Variants in XPR1 observed in about 807,000 individuals in gnomAD.
The protein encoded by XPR1 is solute carrier family 53 member 1.
In XPR1, 28 loss-of-function variants were observed where a neutral mutation model predicts 87.5. That is an observed-to-expected ratio of 0.32 (90% CI 0.24 to 0.44). XPR1 has a LOEUF of 0.44. Ranked by LOEUF, XPR1 falls within the 20% of genes least tolerant of loss-of-function variation. The probability of loss-of-function intolerance (pLI) is 1.00; values close to 1 mark genes in which losing one functional copy is unlikely to be tolerated. For missense variants in XPR1, 559 were observed against 862.3 expected, an observed-to-expected ratio of 0.65 and a Z score of 4.41; for synonymous variants, 300 against 306.1, an observed-to-expected ratio of 0.98 and a Z score of 0.21.
chr1:180,841,017 CAAAGT>C lies in XPR1; in HGVS notation c.1501+4305_1501+4309del, dbSNP rs967836465. 1.9e-4 allele frequency among the ~76,000 whole-genome samples: 29 copies of C among 151,880 alleles called. 1 individual carries two copies. Among genetic ancestry groups the C allele is most frequent in the African/African-American group, 5.1e-4 (21 of 41,346 alleles). On this transcript the variant is annotated intron_variant, in intron 11 of 14. Coordinates refer to ENST00000367590, the MANE Select transcript of XPR1 (RefSeq NM_004736.4). ...ATTTATAATCTAGTGGGGGAATAGA[CAAAGT>C]AAAAAGGCATTAATTGGTTCTTAAT...
chr1:180,748,400 C>CTTTTTTT (rs71297873), intron 2 of XPR1, among the ~76,000 whole-genome samples: 379 of 29,702 alleles, frequency 0.013, 71 homozygotes, highest in Non-Finnish European at 0.018. Flanking sequence ...TTATTTATGT[C>CTTTTTTT]TTTTTTTTTT....
intron 12 of XPR1, among the ~76,000 whole-genome samples, chr1:180,865,403 C>CTTT (rs756971131): frequency 2.1e-5 from 3 of 140,588 alleles, no homozygotes; most frequent in African/African-American, 5.2e-5. Context: ...ACATTTGTTT[C>CTTT]TTTTTTTTTT....
intron 2 of XPR1, among the ~76,000 whole-genome samples, chr1:180,754,352 G>GT (rs925080849): frequency 2.6e-5 from 4 of 152,016 alleles, no homozygotes; most frequent in South Asian, 2.1e-4. Flanking sequence ...ACAATAAAAA[G>GT]TTTTTTTATA....
chr1:180,876,314 G>T (rs933145686), intron 13 of XPR1, among the ~76,000 whole-genome samples: 1 of 152,122 alleles, frequency 6.6e-6, no homozygotes, highest in Admixed American at 6.6e-5. Flanking sequence ...AGTTAGGTTC[G>T]TTCTAGGAAT....
At chr1:180,643,496 C>T (rs1655020271) in intron 1 of XPR1, among the ~76,000 whole-genome samples, 1 of 152,100 alleles carries the variant, frequency 6.6e-6, no homozygotes, top group South Asian at 2.1e-4. Context: ...GTAGTAGATA[C>T]TTGTCAGTGT....
chr1:180,716,217 C>G (rs1657989648), intron 2 of XPR1, among the ~76,000 whole-genome samples: 1 of 151,772 alleles, frequency 6.6e-6, no homozygotes, highest in South Asian at 2.1e-4. Flanking sequence ...AACTACTGGG[C>G]ACAAGTGATA....
chr1:180,824,249 C>T (rs1028004821), intron 7 of XPR1, among the ~76,000 whole-genome samples: 14 of 152,044 alleles, frequency 9.2e-5, no homozygotes, highest in South Asian at 2.1e-4. Context: ...AAAATGAAGA[C>T]GAGAAAGAAC....
At chr1:180,832,373 T>C (rs908696492) in intron 9 of XPR1, among the ~76,000 whole-genome samples, 4 of 152,242 alleles carry the variant, frequency 2.6e-5, no homozygotes, top group South Asian at 2.1e-4. Flanking sequence ...TCTTTTGCTG[T>C]GCAGAAGCTC....
intron 2 of XPR1, among the ~76,000 whole-genome samples, chr1:180,706,342 C>A (rs1187414523): frequency 6.6e-6 from 1 of 152,114 alleles, no homozygotes; most frequent in Non-Finnish European, 1.5e-5. Flanking sequence ...GAGTTTCCGG[C>A]TCTACTTTTT....
intron 2 of XPR1, among the ~76,000 whole-genome samples, chr1:180,704,005 T>C (rs1252980804): frequency 6.6e-6 from 1 of 151,898 alleles, no homozygotes; most frequent in African/African-American, 2.4e-5. Flanking sequence ...TTTTGGTTTG[T>C]CTTTTTACAA....
intron 1 of XPR1, among the ~76,000 whole-genome samples, chr1:180,637,649 G>C (rs1394702967): frequency 6.6e-6 from 1 of 152,146 alleles, no homozygotes; most frequent in African/African-American, 2.4e-5. Context: ...CGTCTCCCAG[G>C]TTCAAGCCAT....
At chr1:180,702,446 A>G (rs1024490501) in intron 2 of XPR1, among the ~76,000 whole-genome samples, 1 of 151,688 alleles carries the variant, frequency 6.6e-6, no homozygotes, top group African/African-American at 2.4e-5. Context: ...GTAGATGTCT[A>G]TTAGGTCTGC....
chr1:180,843,114 A>G (rs1446270319), intron 11 of XPR1, among the ~76,000 whole-genome samples: 1 of 152,298 alleles, frequency 6.6e-6, no homozygotes, highest in Non-Finnish European at 1.5e-5. Flanking sequence ...TTGAGTGAGC[A>G]CACATAGTCC....
At chr1:180,749,689 G>T (rs1647446026) in intron 2 of XPR1, among the ~76,000 whole-genome samples, 1 of 105,026 alleles carries the variant, frequency 9.5e-6, no homozygotes, top group African/African-American at 3.4e-5. Flanking sequence ...GGAGCTGGTG[G>T]TTAAACATTT....
chr1:180,664,614 C>T (rs1341321529), intron 1 of XPR1, among the ~76,000 whole-genome samples: 2 of 152,158 alleles, frequency 1.3e-5, no homozygotes, highest in African/African-American at 4.8e-5. Context: ...CACTGGGAGA[C>T]AGATGACATG....
At chr1:180,832,811 G>A (rs555239726) in intron 9 of XPR1, among the ~76,000 whole-genome samples, 2 of 152,224 alleles carry the variant, frequency 1.3e-5, no homozygotes, top group Middle Eastern at 3.4e-3. Flanking sequence ...CTCCAGCTTT[G>A]TTCTTTTTGC....
chr1:180,746,544 T>C (rs1336649199), intron 2 of XPR1, among the ~76,000 whole-genome samples: 1 of 152,210 alleles, frequency 6.6e-6, no homozygotes, highest in African/African-American at 2.4e-5. Flanking sequence ...GTTGCTTCCG[T>C]ATCTTTGTAG....
Position 180,887,968 on chromosome 1 carries a change from C to T in XPR1, c.*3902C>T, listed in dbSNP as rs1444192435. ...GTCATGCAGGTATCAGATTAACAGA[C>T]ATTCATTGAAGATAAGTGAAATAAC... On this transcript the variant is annotated 3_prime_UTR_variant, in exon 15 of 15. Transcript: ENST00000367590. 1 of 152,176 alleles carries T rather than the reference C, an allele frequency of 6.6e-6. No homozygotes were observed. Among genetic ancestry groups the T allele is most frequent in the Non-Finnish European group, 1.5e-5 (1 of 68,038 alleles). 9.4% of individuals were successfully genotyped at this position (152,176 alleles called of 1,614,324 possible). A position where few individuals can be genotyped will look rare whatever the true frequency, so the allele number is the denominator to read the frequency against.
chr1:180,686,149 C>T (rs1262644322), intron 2 of XPR1, among the ~76,000 whole-genome samples: 1 of 152,120 alleles, frequency 6.6e-6, no homozygotes, highest in Admixed American at 6.5e-5. Flanking sequence ...CCTCTACACA[C>T]TGCTTTGAAT....
Sources: gnomAD v4.1 joint callset for allele counts (sites outside exome capture counted in the v4.1 genomes callset) on GRCh38, gnomAD v4.1.1 for gene constraint, MANE v1.5 for transcripts, NCBI Gene and HGNC (gene_info 2026-07-23, HGNC 2026-07-21) for gene names.